The following CACHD1 variants were observed in gnomAD, a reference collection of about 807,000 sequenced individuals.
The protein encoded by CACHD1 is cache domain containing 1.
A neutral mutation model predicts 138.7 loss-of-function variants in CACHD1; 71 were observed. The ratio of observed to expected loss-of-function variants is 0.51; its 90% CI spans 0.42 to 0.62. The LOEUF is 0.62. CACHD1 is among the 20% of genes least tolerant of loss of function. CACHD1 has a pLI of 0.00. For synonymous variants in CACHD1, 578 were observed against 591.5 expected (o/e 0.98, Z 0.33); for missense variants, 1,389 against 1,625.3 (o/e 0.85, Z 2.50).
chr1:64,688,179 G>A (rs1379641001), intron 26 of CACHD1, among the ~76,000 whole-genome samples: 1 of 152,044 alleles, frequency 6.6e-6, no homozygotes, highest in East Asian at 1.9e-4. Context: ...GTTAGTGTGT[G>A]GGTGCTTGTA....
intron 1 of CACHD1, among the ~76,000 whole-genome samples, chr1:64,492,822 A>T (rs1255492848): frequency 6.6e-6 from 1 of 152,192 alleles, no homozygotes; most frequent in Non-Finnish European, 1.5e-5. Context: ...AAGAACAGGA[A>T]ATTTATCCTT....
At chr1:64,634,948 A>C (rs1050086491) in intron 7 of CACHD1, among the ~76,000 whole-genome samples, 6 of 138,780 alleles carry the variant, frequency 4.3e-5, no homozygotes, top group African/African-American at 1.6e-4. Flanking sequence ...GTAAGCCAAG[A>C]TCATGCCACT....
In CACHD1 at chr1:64,475,668, T is replaced by G. The variant is rs527862374; in HGVS notation, c.198+4726T>G. 1.9e-3 allele frequency among the ~76,000 whole-genome samples: 290 copies of G among 152,234 alleles called. 1 individual carries two copies. Among genetic ancestry groups the G allele is most frequent in the Admixed American group, 6.2e-3 (94 of 15,284 alleles). On this transcript the variant is annotated intron_variant, in intron 1 of 26. Coordinates refer to ENST00000651257, the MANE Select transcript of CACHD1 (RefSeq NM_020925.4). ...TTCACGCCATTCTCCTGCCTCAGCC[T>G]CCTGAGTAGCTGGGTCTACAGACGC...
intron 12 of CACHD1, 41 bp from the exon 13 acceptor site, chr1:64,658,664 C>A: frequency 6.6e-7 from 1 of 1,519,266 alleles, no homozygotes; most frequent in Non-Finnish European, 9.0e-7. Context: ...CCCATGGAAC[C>A]CTCATTTTCT....
intron 1 of CACHD1, among the ~76,000 whole-genome samples, chr1:64,483,163 A>C (rs1408197533): frequency 6.6e-6 from 1 of 152,220 alleles, no homozygotes; most frequent in Non-Finnish European, 1.5e-5. Flanking sequence ...CTACAGTATC[A>C]AGCACATTAG....
At chr1:64,503,722 A>AT in intron 1 of CACHD1, among the ~76,000 whole-genome samples, 1 of 152,322 alleles carries the variant, frequency 6.6e-6, no homozygotes, top group Admixed American at 6.5e-5. Flanking sequence ...AATTGTTTAT[A>AT]TTTTGTAGAG....
chr1:64,605,881 A>G (rs1647320950), intron 4 of CACHD1, among the ~76,000 whole-genome samples: 2 of 152,178 alleles, frequency 1.3e-5, no homozygotes, highest in East Asian at 1.9e-4. Context: ...CCATTCTTCC[A>G]GGTTATGGAC....
intron 1 of CACHD1, among the ~76,000 whole-genome samples, chr1:64,536,236 G>C (rs867679330): frequency 2.0e-5 from 3 of 152,136 alleles, no homozygotes; most frequent in Non-Finnish European, 4.4e-5. Context: ...TTTGGAGATA[G>C]GAAAATGGAG....
rs1484029388 is a variant in CACHD1 at position 64,470,150 on chromosome 1, G to C, written c.-595G>C. ...GCCCAGCCGGGAAGTGCACAGAGCC[G>C]GAGCGCAGCGTGGTGGCACCAGACG... On this transcript the variant is annotated 5_prime_UTR_variant, in exon 1 of 27. Coordinates refer to ENST00000651257, the MANE Select transcript of CACHD1 (RefSeq NM_020925.4). This position sits in a 1 kb window ranked among gnomAD's most constrained non-coding sequence, Gnocchi z 5.2. 6.6e-6 allele frequency among the ~76,000 whole-genome samples: 1 copy of C among 152,066 alleles called. No homozygotes were observed. The highest frequency in any genetic ancestry group is 1.9e-4 in the East Asian group (1 of 5,142).
At position 64,676,982 on chromosome 1, in the gene CACHD1, C is replaced by A; in HGVS notation, c.3063C>A (p.Asn1021Lys). The A allele has an allele frequency of 6.2e-7, 1 of 1,613,810 alleles. No individual in the cohort carries two copies. The highest frequency in any genetic ancestry group is 8.5e-7 in the Non-Finnish European group (1 of 1,179,792). ...GLQDALHQCV[N>K]SRCSQRLESG... is the part of the protein sequence containing the mutation. ...AAGATGCTCTTCACCAGTGTGTCAA[C>A]AGCAGGTGCAGTCAGAGGCTGGAAA... The change falls in exon 22 of 27, where the codon AAC becomes AAA. Residue 1021 changes from asparagine (N) to lysine (K), a missense_variant. Around this residue, in one of 5 missense-constraint regions of CACHD1, gnomAD observed 250 missense variants for 292.9 expected, o/e 0.85. Transcript: ENST00000651257.
intron 1 of CACHD1, among the ~76,000 whole-genome samples, chr1:64,523,611 C>T (rs946860595): frequency 1.3e-5 from 2 of 152,112 alleles, no homozygotes; most frequent in Non-Finnish European, 2.9e-5. Context: ...CTCACAGTGC[C>T]GTTTTTCCTT....
intron 1 of CACHD1, among the ~76,000 whole-genome samples, chr1:64,533,211 C>T (rs958204317): frequency 2.6e-5 from 4 of 152,132 alleles, no homozygotes; most frequent in Admixed American, 2.6e-4. Flanking sequence ...CAGAAATTAG[C>T]CGGGCGTGGT....
Position 64,654,691 on chromosome 1 carries a change from C to T in CACHD1, c.1670C>T (p.Pro557Leu). Residue 557 changes from proline (P) to leucine (L), a missense_variant, in exon 12 of 27, where the codon CCT (proline) becomes CTT (leucine). Physicochemically the swap from Pro to Leu is moderately conservative, Grantham distance 98. Coordinates refer to ENST00000651257, the MANE Select transcript of CACHD1 (RefSeq NM_020925.4). ...ELVRQNILSLPLGSQIIAVPV... is the reference protein window; with the variant it reads ...ELVRQNILSLLLGSQIIAVPV... Reference sequence around the variant, plus strand: ...AATTCTGTTTGCCAACACAGCCTCCCTCTGGGCAGCCAGATTATCGCAGTC... The same window carrying T: ...AATTCTGTTTGCCAACACAGCCTCCTTCTGGGCAGCCAGATTATCGCAGTC... 3 of 1,610,726 alleles carry T rather than the reference C, an allele frequency of 1.9e-6. No homozygotes were observed. Among genetic ancestry groups the T allele is most frequent in the Non-Finnish European group, 1.7e-6 (2 of 1,177,548 alleles).
intron 26 of CACHD1, among the ~76,000 whole-genome samples, chr1:64,686,704 G>C (rs1336249017): frequency 6.6e-6 from 1 of 152,118 alleles, no homozygotes; most frequent in Non-Finnish European, 1.5e-5. Flanking sequence ...TTGTGAATTT[G>C]TATTTTGGTT....
At chr1:64,627,671 G>T (rs1648158805) in intron 4 of CACHD1, among the ~76,000 whole-genome samples, 1 of 152,084 alleles carries the variant, frequency 6.6e-6, no homozygotes, top group Non-Finnish European at 1.5e-5. Flanking sequence ...GCTACATATG[G>T]TATAAAAACA....
intron 4 of CACHD1, among the ~76,000 whole-genome samples, chr1:64,614,367 C>T (rs17126773): frequency 6.6e-6 from 1 of 152,048 alleles, no homozygotes; most frequent in Non-Finnish European, 1.5e-5. Context: ...TTCATCTAAA[C>T]ACCTGGCTGG....
chr1:64,687,656 C>G (rs1650410916), intron 26 of CACHD1, among the ~76,000 whole-genome samples: 1 of 152,028 alleles, frequency 6.6e-6, no homozygotes, highest in African/African-American at 2.4e-5. Context: ...TGTCATAACC[C>G]ATGGACAGAG....
At chr1:64,527,625 A>T (rs1350154860) in intron 1 of CACHD1, among the ~76,000 whole-genome samples, 1 of 152,174 alleles carries the variant, frequency 6.6e-6, no homozygotes, top group South Asian at 2.1e-4. Flanking sequence ...TTATAACTTC[A>T]TCTGTTTTCC....
At chr1:64,670,125 A>G (rs1477493859) in intron 16 of CACHD1, among the ~76,000 whole-genome samples, 1 of 152,132 alleles carries the variant, frequency 6.6e-6, no homozygotes, top group Non-Finnish European at 1.5e-5. Flanking sequence ...TATGCTTTGG[A>G]GTTGAAGACA....
Sources: allele counts gnomAD v4.1 joint callset (sites outside exome capture counted in the v4.1 genomes callset), GRCh38; gene constraint gnomAD v4.1.1; regional missense constraint gnomAD v4.1.1; non-coding constraint Gnocchi (gnomAD v3.1); transcripts MANE v1.5; gene names NCBI Gene and HGNC (gene_info 2026-07-23, HGNC 2026-07-21).